Variants in DENND11 observed in about 807,000 individuals in gnomAD.
The protein encoded by DENND11 is DENN domain-containing protein 11.
DENND11 carries 34 observed loss-of-function variants against 49.2 expected under a neutral mutation model. The ratio of observed to expected loss-of-function variants is 0.69; its 90% CI spans 0.53 to 0.92. The LOEUF is 0.92. Among genes scored for constraint, DENND11 ranks in the 40% least tolerant of loss-of-function variants. The pLI, the probability that DENND11 is intolerant of heterozygous loss-of-function variation, is 0.00. For synonymous variants in DENND11, 238 were observed against 230.3 expected, an observed-to-expected ratio of 1.03 and a Z score of -0.30; for missense variants, 475 against 581.6, an observed-to-expected ratio of 0.82 and a Z score of 1.88.
chr7:141,697,265 AATTAC>A (rs1798429401), intron 1 of DENND11, among the ~76,000 whole-genome samples: 1 of 152,162 alleles, frequency 6.6e-6, no homozygotes, highest in Admixed American at 6.5e-5. Context: ...TGGGTATTAC[AATTAC>A]CATTTTTATT....
At chr7:141,701,129 C>A (rs766288781) in intron 1 of DENND11, among the ~76,000 whole-genome samples, 33 of 152,032 alleles carry the variant, frequency 2.2e-4, no homozygotes, top group Non-Finnish European at 3.5e-4. Flanking sequence ...GGAAAACGCA[C>A]ACCCCCCTGC....
intron 3 of DENND11, among the ~76,000 whole-genome samples, chr7:141,685,029 A>AAAAATATAT (rs1305276426): frequency 4.4e-5 from 4 of 91,542 alleles, no homozygotes; most frequent in Non-Finnish European, 6.0e-5. Context: ...AAAAAAAAAA[A>AAAAATATAT]ATATATATAT....
intron 3 of DENND11, among the ~76,000 whole-genome samples, chr7:141,685,165 G>A (rs1203521713): frequency 1.3e-5 from 2 of 151,376 alleles, no homozygotes; most frequent in Non-Finnish European, 2.9e-5. Context: ...GGGCAAGGAG[G>A]TAACTATTGC....
intron 1 of DENND11, among the ~76,000 whole-genome samples, chr7:141,690,233 T>A (rs1012844764): frequency 8.5e-5 from 13 of 152,300 alleles, no homozygotes; most frequent in Non-Finnish European, 2.9e-5. Flanking sequence ...TGATCTTCCT[T>A]CAGTTTCTCT....
intron 1 of DENND11, among the ~76,000 whole-genome samples, chr7:141,699,916 T>TCA (rs145606748): frequency 0.038 from 5,575 of 146,588 alleles, 189 homozygotes; most frequent in African/African-American, 0.093. Context: ...AAACCATCAC[T>TCA]CACACACACA....
chr7:141,675,543 G>T (rs1313429986), intron 3 of DENND11, among the ~76,000 whole-genome samples: 3 of 152,108 alleles, frequency 2.0e-5, no homozygotes, highest in Admixed American at 1.3e-4. Flanking sequence ...CTGAGCAAGG[G>T]AAACATCCCT....
chr7:141,663,844 G>A (rs1443707704), intron 8 of DENND11: 2 of 325,744 alleles, frequency 6.1e-6, no homozygotes, highest in East Asian at 9.8e-5. Flanking sequence ...ATTCAAAGGA[G>A]GCAATGGAAA....
At chr7:141,669,451 T>C (rs1393106030) in intron 4 of DENND11, among the ~76,000 whole-genome samples, 3 of 147,944 alleles carry the variant, frequency 2.0e-5, no homozygotes, top group African/African-American at 7.3e-5. Context: ...TTTCACCATG[T>C]TGGCTAGGCT....
intron 3 of DENND11, among the ~76,000 whole-genome samples, chr7:141,685,053 TATATA>T (rs1563002245): frequency 2.8e-5 from 4 of 140,660 alleles, no homozygotes; most frequent in African/African-American, 5.2e-5. Flanking sequence ...TATATATATA[TATATA>T]TTTTTAAGTT....
At chr7:141,666,794 T>C (rs1281170922) in intron 4 of DENND11, among the ~76,000 whole-genome samples, 1 of 152,228 alleles carries the variant, frequency 6.6e-6, no homozygotes, top group Admixed American at 6.5e-5. Context: ...AATAACATGA[T>C]GAGCAAACAG....
intron 4 of DENND11, among the ~76,000 whole-genome samples, chr7:141,667,245 G>A (rs185598844): frequency 6.6e-6 from 1 of 152,206 alleles, no homozygotes; most frequent in East Asian, 1.9e-4. Context: ...GTCACTAACT[G>A]GCAACCCCTG....
intron 4 of DENND11, among the ~76,000 whole-genome samples, chr7:141,668,865 C>G (rs1467071400): frequency 6.6e-6 from 1 of 152,174 alleles, no homozygotes; most frequent in African/African-American, 2.4e-5. Context: ...CCTTGTTTCT[C>G]TGGCTTTTAC....
chr7:141,693,339 T>A (rs746961254), intron 1 of DENND11, among the ~76,000 whole-genome samples: 2 of 152,204 alleles, frequency 1.3e-5, no homozygotes, highest in Non-Finnish European at 2.9e-5. Flanking sequence ...ATGGCTAACA[T>A]TCAAAACACC....
At chr7:141,676,489 C>G (rs1461721287) in intron 3 of DENND11, among the ~76,000 whole-genome samples, 1 of 152,128 alleles carries the variant, frequency 6.6e-6, no homozygotes, top group Non-Finnish European at 1.5e-5. Context: ...GTCCTTTAGA[C>G]AAAGAACTAA....
chr7:141,685,909 C>T (rs751379351), intron 2 of DENND11, among the ~76,000 whole-genome samples: 8 of 152,158 alleles, frequency 5.3e-5, no homozygotes, highest in East Asian at 1.9e-4. Flanking sequence ...TCCTGCACCA[C>T]GACTAATGAC....
At chr7:141,667,876 A>C (rs13245001) in intron 4 of DENND11, among the ~76,000 whole-genome samples, 17,211 of 152,130 alleles carry the variant, frequency 0.11, 1,379 homozygotes, top group East Asian at 0.35. Flanking sequence ...GGCGACCCTG[A>C]ACTGAACATG....
chr7:141,695,105 G>A (rs558077853), intron 1 of DENND11, among the ~76,000 whole-genome samples: 1 of 152,108 alleles, frequency 6.6e-6, no homozygotes, highest in South Asian at 2.1e-4. Flanking sequence ...TAAAAAAAAT[G>A]TGCCACTGAC....
At chr7:141,681,344 C>T in intron 3 of DENND11, among the ~76,000 whole-genome samples, 1 of 152,226 alleles carries the variant, frequency 6.6e-6, no homozygotes, top group East Asian at 1.9e-4. Context: ...TATAAATCCA[C>T]TGAGATTCCA....
chr7:141,664,296 G>A lies in DENND11; in HGVS notation c.1104-56C>T, dbSNP rs1280704751. 7.8e-6 allele frequency: 11 copies of A among 1,405,784 alleles called. No homozygotes were observed. In the East Asian group the frequency reaches 2.7e-4, roughly 35 times the overall value. 87.1% of individuals were successfully genotyped at this position (1,405,784 alleles called of 1,614,324 possible). A position where few individuals can be genotyped will look rare whatever the true frequency, so the allele number is the denominator to read the frequency against. ...GCAGGTACCAGGACCGCAGTCACAG[G>A]TGAGGCCTCAGCCAGGCATCTTCAA... On this transcript the variant is annotated intron_variant, in intron 7 of 8. Coordinates refer to ENST00000536163, the MANE Select transcript of DENND11 (RefSeq NM_001080392.2).
Sources: allele counts gnomAD v4.1 joint callset (sites outside exome capture counted in the v4.1 genomes callset), GRCh38; gene constraint gnomAD v4.1.1; transcripts MANE v1.5; gene names NCBI Gene and HGNC (gene_info 2026-07-23, HGNC 2026-07-21).